Variants in HMGB1 observed in about 807,000 individuals in gnomAD.
The protein encoded by HMGB1 is high mobility group protein B1.
For missense variants in HMGB1, 79 were observed against 253.5 expected (o/e 0.31, Z 4.67); for synonymous variants, 81 against 84.0 (o/e 0.96, Z 0.19).
At position 30,459,765 on chromosome 13, in the gene HMGB1, T is replaced by A. The variant is rs1352554514; in HGVS notation, c.*1592A>T. 6.6e-6 allele frequency: 1 copy of A among 152,188 alleles called. No individual in the cohort carries two copies. Among genetic ancestry groups the A allele is most frequent in the African/African-American group, 2.4e-5 (1 of 41,446 alleles). 9.4% of individuals were successfully genotyped at this position (152,188 alleles called of 1,614,324 possible). The stretch of plus-strand genomic sequence containing the variant: ...CCATCCCTTATACTTATTTAAAAGG[T>A]ACTGCTAAGAGGTATTATTAGAAAC... On this transcript the variant is annotated 3_prime_UTR_variant, in exon 5 of 5. Coordinates refer to ENST00000341423, the MANE Select transcript of HMGB1 (RefSeq NM_002128.7).
At chr13:30,462,843 A>G (rs568608708) in intron 3 of HMGB1, 131 bp from the exon 4 acceptor site, 14 of 701,104 alleles carry the variant, frequency 2.0e-5, no homozygotes, top group Non-Finnish European at 3.1e-5. Context: ...TGCAAATACT[A>G]TAATATACTA....
chr13:30,574,867 T>C (rs1870579054), intron 1 of HMGB1, among the ~76,000 whole-genome samples: 1 of 152,246 alleles, frequency 6.6e-6, no homozygotes, highest in South Asian at 2.1e-4. Flanking sequence ...TTGCATTAAA[T>C]AAACCATGCT....
chr13:30,474,759 CTTTTTTTT>C (rs549499620), intron 1 of HMGB1, among the ~76,000 whole-genome samples: 1 of 92,822 alleles, frequency 1.1e-5, no homozygotes, highest in African/African-American at 4.6e-5. Context: ...TCTCTCTCTC[CTTTTTTTT>C]TTTTTTTTTT....
At chr13:30,471,921 G>A (rs945722123) in intron 1 of HMGB1, among the ~76,000 whole-genome samples, 1 of 151,526 alleles carries the variant, frequency 6.6e-6, no homozygotes, top group Non-Finnish European at 1.5e-5. Context: ...CCCGCCTAAG[G>A]CCTCCCAGAG....
At chr13:30,505,345 A>AG (rs1566008834) in intron 1 of HMGB1, among the ~76,000 whole-genome samples, 1 of 151,792 alleles carries the variant, frequency 6.6e-6, no homozygotes, top group East Asian at 1.9e-4. Flanking sequence ...GGCCTGGCTA[A>AG]TTTTTTGTAT....
intron 1 of HMGB1, among the ~76,000 whole-genome samples, chr13:30,547,089 T>G (rs1267881453): frequency 6.6e-6 from 1 of 152,250 alleles, no homozygotes; most frequent in Non-Finnish European, 1.5e-5. Flanking sequence ...CCTGAGATGT[T>G]ATTCACATAA....
At chr13:30,524,915 C>T (rs1004742161) in intron 1 of HMGB1, among the ~76,000 whole-genome samples, 2 of 152,034 alleles carry the variant, frequency 1.3e-5, no homozygotes, top group African/African-American at 4.8e-5. Context: ...GTTATATATG[C>T]GTTGTTTTTT....
At chr13:30,562,241 G>A (rs1869988893) in intron 1 of HMGB1, among the ~76,000 whole-genome samples, 1 of 150,212 alleles carries the variant, frequency 6.7e-6, no homozygotes, top group Non-Finnish European at 1.5e-5. Flanking sequence ...AGGTTGCAGT[G>A]AGCCAAGGTC....
rs139809973 is a variant in HMGB1, at chr13:30,563,714, A to G, written c.-15+52957T>C. ...AGCACAATTATTTTTCTGCAGTTCT[A>G]TATTTAGATTCTAGTTAGAAGTAAC... On this transcript the variant is annotated intron_variant, in intron 1 of 4. Transcript: ENST00000405805. 3.7e-3 allele frequency among the ~76,000 whole-genome samples: 562 copies of G among 152,334 alleles called. 3 individuals are homozygous for G. The highest frequency in any genetic ancestry group is 0.013 in the African/African-American group (544 of 41,578).
At chr13:30,583,930 A>G (rs1206823838) in intron 1 of HMGB1, among the ~76,000 whole-genome samples, 1 of 152,032 alleles carries the variant, frequency 6.6e-6, no homozygotes, top group East Asian at 1.9e-4. Flanking sequence ...ACTTGAACCT[A>G]GGAATTTGAG....
intron 1 of HMGB1, among the ~76,000 whole-genome samples, chr13:30,505,914 AG>A (rs566081928): frequency 1.3e-5 from 2 of 151,808 alleles, no homozygotes; most frequent in South Asian, 4.2e-4. Context: ...TAGTAGAGAC[AG>A]GGTTTTGTCA....
chr13:30,567,194 T>C (rs1423899898), intron 1 of HMGB1, among the ~76,000 whole-genome samples: 1 of 152,158 alleles, frequency 6.6e-6, no homozygotes, highest in African/African-American at 2.4e-5. Context: ...CAAACTACTG[T>C]GGTGAATAAA....
intron 1 of HMGB1, among the ~76,000 whole-genome samples, chr13:30,532,746 T>A (rs1888524151): frequency 1.3e-5 from 2 of 152,090 alleles, no homozygotes; most frequent in African/African-American, 2.4e-5. Context: ...TGACCTCAAG[T>A]GATCCACCTG....
intron 1 of HMGB1, chr13:30,464,992 C>T (rs1886668596): frequency 7.2e-6 from 1 of 139,448 alleles, no homozygotes; most frequent in African/African-American, 2.7e-5. Context: ...CTCCCCGTCT[C>T]CCTCCGCGCG....
intron 1 of HMGB1, among the ~76,000 whole-genome samples, chr13:30,604,657 T>G (rs1950437144): frequency 6.6e-6 from 1 of 152,162 alleles, no homozygotes; most frequent in Non-Finnish European, 1.5e-5. Flanking sequence ...TCCCAATGTT[T>G]TTTTGTTTGT....
At chr13:30,554,693 T>A in intron 1 of HMGB1, 1 of 770,980 alleles carries the variant, frequency 1.3e-6, no homozygotes, top group Non-Finnish European at 2.4e-6. Flanking sequence ...AAGAGAACAG[T>A]GAGAATGCTC....
intron 1 of HMGB1, among the ~76,000 whole-genome samples, chr13:30,503,423 TAGTA>T (rs1340823491): frequency 6.6e-6 from 1 of 151,620 alleles, no homozygotes; most frequent in Non-Finnish European, 1.5e-5. Flanking sequence ...GCTGACTCCT[TAGTA>T]AGCACACAAT....
At position 30,463,308 on chromosome 13, in the gene HMGB1, T is replaced by C. The variant is rs983723; in HGVS notation, c.195A>G (p.Lys65=). The change falls in exon 3 of 5, where the codon AAA becomes AAG. Residue 65 remains lysine (K), a synonymous_variant. Coordinates refer to ENST00000341423, the MANE Select transcript of HMGB1 (RefSeq NM_002128.7). ...KEKGKFEDMA[K]ADKARYEREM... is the part of the protein sequence containing the mutation. ...CTCTTTCATAACGGGCCTTGTCCGC[T>C]TTTGCCATATCTTCAAATTTTCCTT... 0.014 allele frequency: 22,391 copies of C among 1,609,224 alleles called. 2,520 individuals are homozygous for C. In the African/African-American group the frequency reaches 0.26, roughly 18 times the overall value.
intron 1 of HMGB1, among the ~76,000 whole-genome samples, chr13:30,499,408 T>C (rs1335822030): frequency 6.6e-6 from 1 of 152,172 alleles, no homozygotes; most frequent in Non-Finnish European, 1.5e-5. Flanking sequence ...ATTGGGTGGC[T>C]CTTCACCAGA....
Sources: allele counts gnomAD v4.1 joint callset (sites outside exome capture counted in the v4.1 genomes callset), GRCh38; gene constraint gnomAD v4.1.1; transcripts MANE v1.5; gene names NCBI Gene and HGNC (gene_info 2026-07-23, HGNC 2026-07-21).